COL4A1: variants seen among roughly 807,000 people sequenced by gnomAD.
COL4A1 encodes the protein collagen type IV alpha 1 chain.
Under a neutral mutation model 216.6 loss-of-function variants are expected in COL4A1, and 40 were observed. The observed-to-expected ratio is 0.18, with a 90% CI of 0.14 to 0.24. The LOEUF (loss-of-function observed/expected upper bound fraction) is 0.24. Among genes scored for constraint, COL4A1 ranks in the 10% least tolerant of loss-of-function variants. COL4A1 has a pLI of 1.00. For synonymous variants in COL4A1, 839 were observed against 810.7 expected, an observed-to-expected ratio of 1.03 and a Z score of -0.59; for missense variants, 1,628 against 2,196.8, an observed-to-expected ratio of 0.74 and a Z score of 5.18.
intron 30 of COL4A1, 84 bp from the exon 31 acceptor site, chr13:110,179,120 C>A: frequency 6.5e-7 from 1 of 1,534,146 alleles, no homozygotes; most frequent in East Asian, 2.3e-5. Context: ...CGAATGGCCC[C>A]AGCAACGGAA....
intron 2 of COL4A1, among the ~76,000 whole-genome samples, chr13:110,219,890 GTGTA>G (rs1566386062): frequency 4.3e-5 from 6 of 140,826 alleles, no homozygotes; most frequent in African/African-American, 1.6e-4. Flanking sequence ...ATATATATGT[GTGTA>G]TATATATGTA....
At chr13:110,219,770 GTA>G (rs1233701504) in intron 2 of COL4A1, among the ~76,000 whole-genome samples, 26 of 130,036 alleles carry the variant, frequency 2.0e-4, no homozygotes, top group East Asian at 1.4e-3. Context: ...GCGTATATAT[GTA>G]TATATATGCG....
rs1025502644 is a variant in COL4A1 at position 110,166,326 on chromosome 13, G to A, written c.3950-23C>T. The A allele has an allele frequency of 3.4e-6, 5 of 1,466,258 alleles. No individual in the cohort carries two copies. In the South Asian group the frequency reaches 4.5e-5, roughly 13 times the overall value. The allele number at this position is 1,466,258 out of a possible 1,614,324, so 90.8% of individuals were successfully genotyped here. A position where few individuals can be genotyped will look rare whatever the true frequency, so the allele number is the denominator to read the frequency against. The stretch of plus-strand genomic sequence containing the variant: ...GACCTAAAAGCAGAGGGAAAGCACT[G>A]TCTTGCACAGAATTCCCAATGATAT... On this transcript the variant is annotated intron_variant, in intron 44 of 51. Transcript: ENST00000375820.
At chr13:110,174,063 A>C in intron 39 of COL4A1, 65 bp from the exon 40 acceptor site, 1 of 1,555,882 alleles carries the variant, frequency 6.4e-7, no homozygotes, top group Non-Finnish European at 8.8e-7. Flanking sequence ...TGCCATACAA[A>C]ATGGCCCTTT....
intron 1 of COL4A1, among the ~76,000 whole-genome samples, chr13:110,280,137 T>C (rs758208217): frequency 1.3e-5 from 2 of 152,262 alleles, no homozygotes; most frequent in African/African-American, 2.4e-5. Flanking sequence ...TTGCCACGTA[T>C]AAAGAACTTG....
In COL4A1 at chr13:110,211,157, C is replaced by T. The variant is rs1227089674; in HGVS notation, c.468+490G>A. Among the ~76,000 whole-genome samples, 2 of 152,184 alleles carry T rather than the reference C, an allele frequency of 1.3e-5. No individual in the cohort carries two copies. Among genetic ancestry groups the T allele is most frequent in the African/African-American group, 4.8e-5 (2 of 41,450 alleles). ...GCAGCTGCTGAGACCTGTAAGCCTC[C>T]CTTTGACAAGGCTGATCCCAACATC... On this transcript the variant is annotated intron_variant, in intron 8 of 51. Transcript: ENST00000375820. This position sits in a 1 kb window ranked among gnomAD's most constrained non-coding sequence, Gnocchi z 4.3.
chr13:110,175,190 G>C lies in COL4A1; in HGVS notation c.3198+28C>G, dbSNP rs111449216. ...GCATCTCCACTGAGCTGGGAGAAGG[G>C]GACCTTTCCACGCAGAGCGCTGGTT... is the stretch of plus-strand genomic sequence containing the variant. On this transcript the variant is annotated intron_variant, in intron 37 of 51. Coordinates refer to ENST00000375820, the MANE Select transcript of COL4A1 (RefSeq NM_001845.6). 427 of 1,613,890 alleles carry C rather than the reference G, an allele frequency of 2.6e-4. 2 individuals carry two copies. The East Asian group carries it at 8.4e-3, about 32-fold the overall frequency.
At chr13:110,156,543 A>T (rs1396946548) in intron 49 of COL4A1, among the ~76,000 whole-genome samples, 1 of 152,192 alleles carries the variant, frequency 6.6e-6, no homozygotes, top group Middle Eastern at 3.2e-3. Context: ...CCTCCCAAGG[A>T]CAGGATGCCT....
At chr13:110,165,587 C>T in intron 45 of COL4A1, among the ~76,000 whole-genome samples, 1 of 151,738 alleles carries the variant, frequency 6.6e-6, no homozygotes, top group East Asian at 1.9e-4. Context: ...ACACACCCTC[C>T]CTCACCTTCC....
chr13:110,307,052 G>A lies in COL4A1; in HGVS notation c.-25C>T, dbSNP rs1173227346. The A allele has an allele frequency of 7.6e-6, 11 of 1,448,676 alleles. No individual in the cohort carries two copies. Among genetic ancestry groups the A allele is most frequent in the Admixed American group, 5.0e-5 (2 of 39,604 alleles). The allele number at this position is 1,448,676 out of a possible 1,614,324, so 89.7% of individuals were successfully genotyped here. On this transcript the variant is annotated 5_prime_UTR_variant, in exon 1 of 52. Transcript: ENST00000375820. This position sits in a 1 kb window ranked among gnomAD's most constrained non-coding sequence, Gnocchi z 5.0. Reference sequence around the variant, plus strand: ...TGGTGGCGCGCCCGAGGCGGCGAGGGACGGCTGCCCGGCGTGCGGGGGCCG... The same window carrying A: ...TGGTGGCGCGCCCGAGGCGGCGAGGAACGGCTGCCCGGCGTGCGGGGGCCG...
In COL4A1 at chr13:110,213,819, G is replaced by A. The variant is rs1447899424; in HGVS notation, c.242C>T (p.Thr81Ile). The A allele has an allele frequency of 1.2e-6, 2 of 1,614,096 alleles. No homozygotes were observed. The highest frequency in any genetic ancestry group is 1.7e-6 in the Non-Finnish European group (2 of 1,179,968). Residue 81 changes from threonine (T) to isoleucine (I), a missense_variant, in exon 4 of 52, where the codon ACT (threonine) becomes ATT (isoleucine). Physicochemically the swap from Thr to Ile is moderately conservative, Grantham distance 89. Coordinates refer to ENST00000375820, the MANE Select transcript of COL4A1 (RefSeq NM_001845.6). ...PQGPPGQKGD[T>I]GEPGLPGTKG... is the part of the protein sequence containing the mutation. The stretch of plus-strand genomic sequence containing the variant: ...TGTTCCAGGTAGTCCTGGTTCTCCA[G>A]TATCACCCTGGAACAGAATAGAAAT...
chr13:110,279,793 C>T (rs1883558022), intron 1 of COL4A1, among the ~76,000 whole-genome samples: 1 of 152,202 alleles, frequency 6.6e-6, no homozygotes, highest in Non-Finnish European at 1.5e-5. Context: ...TCATTCTCAA[C>T]ACTGACTTTC....
chr13:110,305,986 G>C (rs1272316732), intron 1 of COL4A1: 2 of 152,220 alleles, frequency 1.3e-5, no homozygotes, highest in East Asian at 3.9e-4. Context: ...GGGAGAAACT[G>C]CAAAATCTGT....
chr13:110,298,598 C>T (rs1009246961), intron 1 of COL4A1: 1 of 152,182 alleles, frequency 6.6e-6, no homozygotes, highest in African/African-American at 2.4e-5. Flanking sequence ...TATTTTAAAC[C>T]ACTAACCTTC....
At chr13:110,270,959 C>T (rs570745332) in intron 1 of COL4A1, among the ~76,000 whole-genome samples, 2 of 152,164 alleles carry the variant, frequency 1.3e-5, no homozygotes, top group South Asian at 2.1e-4. Context: ...AGGAAAGCAA[C>T]GACATGTTCA....
Position 110,207,444 on chromosome 13 carries a change from G to T in COL4A1, c.739C>A (p.Gln247Lys). The T allele has an allele frequency of 6.2e-7, 1 of 1,613,954 alleles. No individual in the cohort carries two copies. The highest frequency in any genetic ancestry group is 8.5e-7 in the Non-Finnish European group (1 of 1,180,012). The change falls in exon 13 of 52, where the codon CAA becomes AAA. Residue 247 changes from glutamine to lysine, a missense_variant. By Grantham distance (53) the Gln-to-Lys change is moderately conservative. Coordinates refer to ENST00000375820, the MANE Select transcript of COL4A1 (RefSeq NM_001845.6). This position sits in a 1 kb window ranked among gnomAD's most constrained non-coding sequence, Gnocchi z 4.4. ...SGPPGVPGQA[Q>K]VQEKGDFATK... The stretch of plus-strand genomic sequence containing the variant: ...GCGAAGTCTCCTTTTTCTTGAACTT[G>T]AGCTTGTCCTGGTACTCCTGGAGGC...
At position 110,187,017 on chromosome 13, in the gene COL4A1, G is replaced by A; in HGVS notation, c.1728+121C>T. ...CCATGAACCATGAATCATGAAACAA[G>A]TTCATTTGTGCCATCATCAAGGAGA... On this transcript the variant is annotated intron_variant, in intron 25 of 51. Transcript: ENST00000375820. 4 of 1,303,820 alleles carry A rather than the reference G, an allele frequency of 3.1e-6. No homozygotes were observed. In the South Asian group the frequency reaches 3.7e-5, roughly 12 times the overall value. 80.8% of individuals were successfully genotyped at this position (1,303,820 alleles called of 1,614,324 possible).
intron 41 of COL4A1, among the ~76,000 whole-genome samples, chr13:110,171,626 G>C (rs1033838477): frequency 6.6e-6 from 1 of 152,192 alleles, no homozygotes; most frequent in Non-Finnish European, 1.5e-5. Context: ...AATGAAATAG[G>C]GTCAAGACCT....
At chr13:110,304,766 A>G (rs931787028) in intron 1 of COL4A1, among the ~76,000 whole-genome samples, 21 of 152,354 alleles carry the variant, frequency 1.4e-4, no homozygotes, top group African/African-American at 4.8e-4. Context: ...AGAAAAAACA[A>G]TAAGGGCAAT....
Sources: gnomAD v4.1 joint callset for allele counts (sites outside exome capture counted in the v4.1 genomes callset) on GRCh38, gnomAD v4.1.1 for gene constraint, Gnocchi (gnomAD v3.1) non-coding constraint, MANE v1.5 for transcripts, NCBI Gene and HGNC (gene_info 2026-07-23, HGNC 2026-07-21) for gene names.